Variants in KDM7A observed in about 807,000 individuals in gnomAD.
KDM7A encodes the protein lysine-specific demethylase 7A.
A neutral mutation model predicts 114.8 loss-of-function variants in KDM7A; 28 were observed. That is an observed-to-expected ratio of 0.24 (90% CI 0.18 to 0.33). The LOEUF (loss-of-function observed/expected upper bound fraction) is 0.33. Ranked by LOEUF, KDM7A falls within the 10% of genes least tolerant of loss-of-function variation. The pLI is 1.00. For synonymous variants in KDM7A, 423 were observed against 397.8 expected, an observed-to-expected ratio of 1.06 and a Z score of -0.75; for missense variants, 942 against 1,142.5, an observed-to-expected ratio of 0.82 and a Z score of 2.53.
chr7:140,091,245 C>T lies in KDM7A; in HGVS notation c.2732-57G>A. 3.4e-6 allele frequency: 4 copies of T among 1,161,524 alleles called. No individual in the cohort carries two copies. In the East Asian group the frequency reaches 9.3e-5, roughly 27 times the overall value. The allele number at this position is 1,161,524 out of a possible 1,614,324, so 72.0% of individuals were successfully genotyped here. On this transcript the variant is annotated intron_variant, in intron 19 of 19. Transcript: ENST00000397560. ...GATGAAAAGTACACTTAAGAGAGCA[C>T]CTGGAAGACTACGGGGAGAGCTTTC...
chr7:140,157,992 A>AATAATAAT (rs1044123638), intron 1 of KDM7A, among the ~76,000 whole-genome samples: 1 of 146,442 alleles, frequency 6.8e-6, no homozygotes, highest in African/African-American at 2.5e-5. Context: ...ATAAATAAAT[A>AATAATAAT]AATAATAATA....
chr7:140,086,540 A>G lies in KDM7A; in HGVS notation c.*4554T>C, dbSNP rs550507105. The G allele has an allele frequency of 6.6e-6, 1 of 152,144 alleles. No homozygotes were observed. Among genetic ancestry groups the G allele is most frequent in the South Asian group, 2.1e-4 (1 of 4,820 alleles). 9.4% of individuals were successfully genotyped at this position (152,144 alleles called of 1,614,324 possible). A position where few individuals can be genotyped will look rare whatever the true frequency, so the allele number is the denominator to read the frequency against. ...TGACTTTACAGCATGAAAAAGAGGG[A>G]AGGGCTTCTAGGAAGGCTACAGTAT... On this transcript the variant is annotated 3_prime_UTR_variant, in exon 20 of 20. Transcript: ENST00000397560.
At position 140,088,412 on chromosome 7, in the gene KDM7A, C is replaced by A; in HGVS notation, c.*2682G>T. 1 of 397,782 alleles carries A rather than the reference C, an allele frequency of 2.5e-6. No individual in the cohort carries two copies. The highest frequency in any genetic ancestry group is 1.3e-4 in the South Asian group (1 of 7,788). The allele number at this position is 397,782 out of a possible 1,614,324, so 24.6% of individuals were successfully genotyped here. Reference sequence around the variant, plus strand: ...AGTTGCATATGTTAATCATAATTCTCAATTTTACATATTTGTATTTGGTTA... The same window carrying A: ...AGTTGCATATGTTAATCATAATTCTAAATTTTACATATTTGTATTTGGTTA... On this transcript the variant is annotated 3_prime_UTR_variant, in exon 20 of 20. Coordinates refer to ENST00000397560, the MANE Select transcript of KDM7A (RefSeq NM_030647.2).
chr7:140,118,853 A>C (rs1818573862), intron 9 of KDM7A, among the ~76,000 whole-genome samples: 1 of 152,176 alleles, frequency 6.6e-6, no homozygotes, highest in Non-Finnish European at 1.5e-5. Context: ...GATGGAATGA[A>C]CATTTCTAAT....
intron 15 of KDM7A, 81 bp from the exon 16 acceptor site, chr7:140,097,128 C>T (rs1818128747): frequency 2.0e-6 from 2 of 992,932 alleles, no homozygotes; most frequent in African/African-American, 1.6e-5. Flanking sequence ...AGATTTTATA[C>T]ATCTAGAGAA....
chr7:140,153,182 T>C (rs980133608), intron 1 of KDM7A, among the ~76,000 whole-genome samples: 5 of 151,664 alleles, frequency 3.3e-5, no homozygotes, highest in African/African-American at 1.2e-4. Context: ...GACAGGCAAA[T>C]GTAAGGAAAA....
rs778505695 is a variant in KDM7A, at chr7:140,096,686, G to A, written c.2243C>T (p.Thr748Met). ...GCTTTGTATTTGCCTTTGTAAACACGTGGAATAGTGCAACCCTGCCATAGA... is the reference window on the plus strand; with the variant it reads ...GCTTTGTATTTGCCTTTGTAAACACATGGAATAGTGCAACCCTGCCATAGA... ...MLSMAGLHYS[T>M]CLQRQIQSTD... The change falls in exon 17 of 20, where the codon ACG becomes ATG. Residue 748 changes from threonine to methionine, a missense_variant. Thr to Met is a moderately conservative substitution (Grantham distance 81). Around this residue, in one of 4 missense-constraint regions of KDM7A, gnomAD observed 512 missense variants for 576.6 expected, o/e 0.89. Transcript: ENST00000397560. 9 of 1,614,022 alleles carry A rather than the reference G, an allele frequency of 5.6e-6. No homozygotes were observed. Among genetic ancestry groups the A allele is most frequent in the South Asian group, 2.2e-5 (2 of 91,088 alleles).
intron 3 of KDM7A, among the ~76,000 whole-genome samples, chr7:140,131,871 T>A (rs1818792575): frequency 6.6e-6 from 1 of 152,190 alleles, no homozygotes; most frequent in Non-Finnish European, 1.5e-5. Context: ...TTAAGCAAAT[T>A]ATGGTACCTA....
At chr7:140,092,373 G>A (rs773600288) in intron 18 of KDM7A, among the ~76,000 whole-genome samples, 3 of 152,194 alleles carry the variant, frequency 2.0e-5, no homozygotes, top group Non-Finnish European at 4.4e-5. Context: ...ACATGCCAAC[G>A]CAGGGACCCT....
chr7:140,111,481 T>C (rs1016565854), intron 10 of KDM7A, among the ~76,000 whole-genome samples: 2 of 152,242 alleles, frequency 1.3e-5, no homozygotes, highest in East Asian at 3.8e-4. Flanking sequence ...TTCTAACTAC[T>C]ACTACTAATT....
At chr7:140,158,529 G>A (rs1019643379) in intron 1 of KDM7A, among the ~76,000 whole-genome samples, 4 of 152,194 alleles carry the variant, frequency 2.6e-5, no homozygotes, top group South Asian at 4.1e-4. Flanking sequence ...GGAGGGAGTC[G>A]TGGGGTTTCA....
At chr7:140,120,655 G>A (rs932540263) in intron 7 of KDM7A, 126 bp from the exon 8 acceptor site, 1 of 587,678 alleles carries the variant, frequency 1.7e-6, no homozygotes, top group African/African-American at 1.9e-5. Context: ...TGCTAGAGAA[G>A]TTAATGTTTA....
At chr7:140,148,493 T>C (rs1462591558) in intron 1 of KDM7A, among the ~76,000 whole-genome samples, 3 of 152,162 alleles carry the variant, frequency 2.0e-5, no homozygotes, top group Admixed American at 6.5e-5. Flanking sequence ...ATAAAATGCT[T>C]AGAATGAAAC....
At chr7:140,169,869 C>G (rs143333575) in intron 1 of KDM7A, among the ~76,000 whole-genome samples, 79 of 152,238 alleles carry the variant, frequency 5.2e-4, no homozygotes, top group African/African-American at 1.7e-3. Flanking sequence ...TCCCATGCCT[C>G]CAAGTAGCCT....
intron 11 of KDM7A, among the ~76,000 whole-genome samples, chr7:140,102,434 G>A (rs1818246397): frequency 6.6e-6 from 1 of 151,282 alleles, no homozygotes; most frequent in Non-Finnish European, 1.5e-5. Flanking sequence ...AGTGTGTGGA[G>A]TGCAGTGGTG....
At chr7:140,133,476 T>C in intron 3 of KDM7A, 63 bp downstream of exon 3, 1 of 926,286 alleles carries the variant, frequency 1.1e-6, no homozygotes, top group Admixed American at 2.0e-5. Context: ...TTATATAATG[T>C]CACTCTATGA....
chr7:140,096,502 T>C, intron 17 of KDM7A, 53 bp downstream of exon 17: 1 of 1,335,880 alleles, frequency 7.5e-7, no homozygotes, highest in Non-Finnish European at 1.1e-6. Context: ...ATTGAGCCAT[T>C]AAGTTGGGCA....
chr7:140,153,679 A>G (rs1794426546), intron 1 of KDM7A, among the ~76,000 whole-genome samples: 1 of 152,226 alleles, frequency 6.6e-6, no homozygotes, highest in African/African-American at 2.4e-5. Context: ...TTAGTACACT[A>G]TAATTTAAAA....
intron 9 of KDM7A, among the ~76,000 whole-genome samples, chr7:140,116,645 T>TGTGTGTGTATGCA (rs1818534143): frequency 1.3e-5 from 2 of 152,188 alleles, no homozygotes; most frequent in African/African-American, 2.4e-5. Context: ...TATGAATGTG[T>TGTGTGTGTATGCA]GTGTGTGTAT....
Sources: allele counts gnomAD v4.1 joint callset (sites outside exome capture counted in the v4.1 genomes callset), GRCh38; gene constraint gnomAD v4.1.1; regional missense constraint gnomAD v4.1.1; transcripts MANE v1.5; gene names NCBI Gene and HGNC (gene_info 2026-07-23, HGNC 2026-07-21).